UBE2N: variants seen among roughly 807,000 people sequenced by gnomAD.
The protein encoded by UBE2N is ubiquitin conjugating enzyme E2 N, also known as ubiquitin-conjugating enzyme E2 N.
For synonymous variants in UBE2N, 70 were observed against 69.2 expected (o/e 1.01, Z -0.06); for missense variants, 60 against 192.1 (o/e 0.31, Z 4.07).
At chr12:93,423,558 T>C (rs916166393) in intron 1 of UBE2N, among the ~76,000 whole-genome samples, 7 of 152,204 alleles carry the variant, frequency 4.6e-5, no homozygotes. Flanking sequence ...CTAAGCAGCC[T>C]GGTGTACCTA....
intron 1 of UBE2N, among the ~76,000 whole-genome samples, chr12:93,411,611 A>G (rs995322547): frequency 2.0e-5 from 3 of 151,588 alleles, no homozygotes; most frequent in South Asian, 2.1e-4. Flanking sequence ...TTAGGATTAC[A>G]TAAGTAAGGC....
intron 1 of UBE2N, among the ~76,000 whole-genome samples, chr12:93,435,380 G>A (rs886654912): frequency 1.3e-5 from 2 of 152,152 alleles, no homozygotes; most frequent in African/African-American, 4.8e-5. Flanking sequence ...GGCTGAGGCA[G>A]GAGAATTGCT....
chr12:93,409,833 T>C lies in UBE2N; in HGVS notation c.*206A>G, dbSNP rs1877982544. 5.2e-6 allele frequency: 3 copies of C among 576,240 alleles called. No individual in the cohort carries two copies. The highest frequency in any genetic ancestry group is 7.4e-5 in the Admixed American group (2 of 27,012). 35.7% of individuals were successfully genotyped at this position (576,240 alleles called of 1,614,324 possible). ...AAACGTTTCACAACAATCCAGATGA[T>C]ACTTCTAGCCTCTGCTCATGCTTTA... On this transcript the variant is annotated 3_prime_UTR_variant, in exon 4 of 4. Transcript: ENST00000318066.
In UBE2N at chr12:93,409,440, T is replaced by A. The variant is rs972119708; in HGVS notation, c.*599A>T. ...CATACAAAATGGTCACAAGCTTTTT[T>A]TGAAGGGGGGAATCTACACTTGACA... On this transcript the variant is annotated 3_prime_UTR_variant, in exon 4 of 4. Coordinates refer to ENST00000318066, the MANE Select transcript of UBE2N (RefSeq NM_003348.4). 1.8e-5 allele frequency: 3 copies of A among 166,986 alleles called. No individual in the cohort carries two copies. Among genetic ancestry groups the A allele is most frequent in the East Asian group, 3.9e-4 (2 of 5,184 alleles). The allele number at this position is 166,986 out of a possible 1,614,324, so 10.3% of individuals were successfully genotyped here.
intron 1 of UBE2N, among the ~76,000 whole-genome samples, chr12:93,434,991 G>A (rs1051889115): frequency 3.3e-5 from 5 of 151,894 alleles, no homozygotes; most frequent in East Asian, 1.9e-4. Flanking sequence ...CTGCAGCCCC[G>A]GCCTCCTGGA....
intron 1 of UBE2N, among the ~76,000 whole-genome samples, chr12:93,433,198 G>C (rs545118334): frequency 6.6e-6 from 1 of 152,268 alleles, no homozygotes; most frequent in Non-Finnish European, 1.5e-5. Flanking sequence ...CTCCCAAAGT[G>C]CTGGGATTAC....
chr12:93,409,887 T>C lies in UBE2N; in HGVS notation c.*152A>G. 1.4e-6 allele frequency: 1 copy of C among 711,528 alleles called. No homozygotes were observed. Among genetic ancestry groups the C allele is most frequent in the Non-Finnish European group, 2.4e-6 (1 of 408,598 alleles). 44.1% of individuals were successfully genotyped at this position (711,528 alleles called of 1,614,324 possible). ...CAGTGAATCAGGACAAGACATAGAT[T>C]TGCTAATGTGCATTTAATCACCAAA... On this transcript the variant is annotated 3_prime_UTR_variant, in exon 4 of 4. Transcript: ENST00000318066.
intron 1 of UBE2N, among the ~76,000 whole-genome samples, chr12:93,428,401 C>T (rs1283949609): frequency 1.3e-5 from 2 of 152,192 alleles, no homozygotes; most frequent in Non-Finnish European, 2.9e-5. Flanking sequence ...TCTACTCCCC[C>T]TTTTCTACTT....
At chr12:93,434,857 T>G (rs894425559) in intron 1 of UBE2N, among the ~76,000 whole-genome samples, 1 of 152,222 alleles carries the variant, frequency 6.6e-6, no homozygotes, top group Non-Finnish European at 1.5e-5. Flanking sequence ...TAATTACAAC[T>G]TATAACAAAT....
chr12:93,439,597 C>T (rs1879040626), intron 1 of UBE2N, among the ~76,000 whole-genome samples: 1 of 152,190 alleles, frequency 6.6e-6, no homozygotes. Flanking sequence ...TACCCCCATC[C>T]ACCACACAGA....
intron 1 of UBE2N, among the ~76,000 whole-genome samples, chr12:93,433,557 G>A (rs532288090): frequency 6.6e-6 from 1 of 152,084 alleles, no homozygotes; most frequent in South Asian, 2.1e-4. Context: ...AGTCCAACTC[G>A]TTTTTCGCAT....
At chr12:93,441,515 G>T (rs1296187404) in intron 1 of UBE2N, among the ~76,000 whole-genome samples, 3 of 151,184 alleles carry the variant, frequency 2.0e-5, no homozygotes, top group Admixed American at 6.6e-5. Context: ...CGGCGGGGGG[G>T]TGGTCTCAGA....
chr12:93,414,145 G>A (rs541315868), intron 1 of UBE2N, among the ~76,000 whole-genome samples: 29 of 142,698 alleles, frequency 2.0e-4, no homozygotes, highest in Non-Finnish European at 2.0e-4. Flanking sequence ...TGGGTGACAG[G>A]GCGAGACTCC....
chr12:93,435,949 C>A (rs1878921773), intron 1 of UBE2N, among the ~76,000 whole-genome samples: 1 of 152,034 alleles, frequency 6.6e-6, no homozygotes, highest in Non-Finnish European at 1.5e-5. Flanking sequence ...AGACAAGGGA[C>A]CAGTGGGGAA....
chr12:93,438,386 G>A (rs1879000379), intron 1 of UBE2N, among the ~76,000 whole-genome samples: 1 of 152,128 alleles, frequency 6.6e-6, no homozygotes, highest in African/African-American at 2.4e-5. Flanking sequence ...AGCTAAGAAC[G>A]GAACAACTGG....
chr12:93,439,586 T>A (rs1243079704), intron 1 of UBE2N, among the ~76,000 whole-genome samples: 1 of 152,180 alleles, frequency 6.6e-6, no homozygotes, highest in Non-Finnish European at 1.5e-5. Context: ...GACAATACCG[T>A]TACCCCCATC....
chr12:93,410,679 G>A lies in UBE2N; in HGVS notation c.418+55C>T, dbSNP rs919073838. 46 of 1,604,478 alleles carry A rather than the reference G, an allele frequency of 2.9e-5. No homozygotes were observed. In the Admixed American group the frequency reaches 7.5e-4, roughly 26 times the overall value. ...CAAGAGCTTTAGAAAAGTTTAAGTG[G>A]TAATACAAATTTGTAAAAGTGGAAG... On this transcript the variant is annotated intron_variant, in intron 3 of 3. Transcript: ENST00000318066.
At chr12:93,434,248 TGC>T (rs1469179537) in intron 1 of UBE2N, among the ~76,000 whole-genome samples, 1 of 152,214 alleles carries the variant, frequency 6.6e-6, no homozygotes, top group East Asian at 1.9e-4. Flanking sequence ...GCCGAGTTCG[TGC>T]CACTGCACTC....
intron 1 of UBE2N, 77 bp from the exon 2 acceptor site, chr12:93,411,376 T>G (rs1008327206): frequency 6.6e-7 from 1 of 1,526,306 alleles, no homozygotes; most frequent in Non-Finnish European, 8.8e-7. Flanking sequence ...AGAAAGTTCA[T>G]CTCTTAGAAC....
Sources: gnomAD v4.1 joint callset for allele counts (sites outside exome capture counted in the v4.1 genomes callset) on GRCh38, gnomAD v4.1.1 for gene constraint, MANE v1.5 for transcripts, NCBI Gene and HGNC (gene_info 2026-07-23, HGNC 2026-07-21) for gene names.